The following TEX11 variants were observed in gnomAD, a reference collection of about 807,000 sequenced individuals.
The protein encoded by TEX11 is testis-expressed protein 11.
TEX11 carries 7 observed loss-of-function variants against 84.4 expected under a neutral mutation model. The ratio of observed to expected loss-of-function variants is 0.08; its 90% CI spans 0.05 to 0.16. TEX11 has a LOEUF of 0.16. TEX11 is among the 10% of genes least tolerant of loss of function. The pLI, the probability that TEX11 is intolerant of heterozygous loss-of-function variation, is 1.00. For missense variants in TEX11, 551 were observed against 660.5 expected (o/e 0.83, Z 1.82); for synonymous variants, 264 against 222.8 (o/e 1.18, Z -1.64).
chrX:70,753,124 C>A (rs1260795930), intron 9 of TEX11, among the ~76,000 whole-genome samples: 2 of 103,663 alleles, frequency 1.9e-5, no homozygotes, highest in Non-Finnish European at 3.9e-5. Context: ...TTAAAGGCAG[C>A]CTAGGCCACA....
chrX:70,576,348 A>G (rs762178906), intron 25 of TEX11, among the ~76,000 whole-genome samples: 10 of 112,179 alleles, frequency 8.9e-5, no homozygotes, highest in Non-Finnish European at 1.7e-4. Flanking sequence ...TTACTGACAT[A>G]CTGGGCTCAT....
intron 13 of TEX11, among the ~76,000 whole-genome samples, chrX:70,713,705 G>T (rs2090464750): frequency 9.0e-6 from 1 of 110,791 alleles, no homozygotes; most frequent in Non-Finnish European, 1.9e-5. Flanking sequence ...AGTCTTGCTA[G>T]CGGTCTATCA....
intron 15 of TEX11, among the ~76,000 whole-genome samples, chrX:70,674,264 T>C (rs1196311337): frequency 8.9e-6 from 1 of 112,487 alleles, no homozygotes; most frequent in East Asian, 2.8e-4. Flanking sequence ...TATTCTATGG[T>C]GTATATGTAC....
At chrX:70,782,607 T>G (rs73544747) in intron 9 of TEX11, among the ~76,000 whole-genome samples, 5,875 of 66,592 alleles carry the variant, frequency 0.088, 529 homozygotes, top group African/African-American at 0.27. Context: ...AAGCTCAAAA[T>G]TTAAAAATAG....
At chrX:70,672,351 C>A (rs2147639710) in intron 15 of TEX11, among the ~76,000 whole-genome samples, 1 of 111,429 alleles carries the variant, frequency 9.0e-6, no homozygotes, top group South Asian at 3.8e-4. Context: ...TAAATAATTC[C>A]TTTTCTCTTG....
intron 14 of TEX11, among the ~76,000 whole-genome samples, chrX:70,679,315 T>G (rs1207207492): frequency 5.4e-5 from 6 of 110,827 alleles, no homozygotes; most frequent in African/African-American, 2.0e-4. Flanking sequence ...GCCGCCTGCC[T>G]TGGCCTCCCA....
intron 24 of TEX11, among the ~76,000 whole-genome samples, chrX:70,599,689 T>G (rs1435773255): frequency 4.3e-5 from 3 of 69,552 alleles, no homozygotes; most frequent in African/African-American, 1.8e-4. Flanking sequence ...CCCACAACAG[T>G]CCCCAGAGTG....
chrX:70,905,144 G>A (rs751983930), intron 2 of TEX11, among the ~76,000 whole-genome samples: 91 of 111,476 alleles, frequency 8.2e-4, no homozygotes, highest in Non-Finnish European at 1.5e-3. Context: ...GCAACACAGC[G>A]AAACCCCATC....
At chrX:70,722,885 C>T (rs2090571340) in intron 12 of TEX11, among the ~76,000 whole-genome samples, 189 bp from the exon 13 acceptor site, 1 of 111,789 alleles carries the variant, frequency 8.9e-6, no homozygotes, top group South Asian at 3.7e-4. Context: ...ATGACACAAG[C>T]ACTCTTGCAC....
At chrX:70,888,084 G>A (rs775132440) in intron 2 of TEX11, among the ~76,000 whole-genome samples, 1 of 112,942 alleles carries the variant, frequency 8.9e-6, no homozygotes, top group Admixed American at 9.3e-5. Flanking sequence ...TATCTGGAAA[G>A]CCTTCCAAAG....
At chrX:70,712,473 T>C (rs1406436196) in intron 13 of TEX11, among the ~76,000 whole-genome samples, 1 of 111,420 alleles carries the variant, frequency 9.0e-6, no homozygotes, top group Non-Finnish European at 1.9e-5. Flanking sequence ...CATTGAGCAG[T>C]GGTTTGTAGT....
intron 9 of TEX11, among the ~76,000 whole-genome samples, chrX:70,793,110 T>C (rs772489063): frequency 1.3e-4 from 14 of 111,424 alleles, no homozygotes; most frequent in African/African-American, 4.2e-4. Flanking sequence ...TCATCTCTAA[T>C]AGTCACAGAA....
chrX:70,709,732 T>G (rs761948662), intron 13 of TEX11, among the ~76,000 whole-genome samples: 41 of 50,773 alleles, frequency 8.1e-4, no homozygotes, highest in African/African-American at 2.2e-3. Flanking sequence ...AAAACTATTA[T>G]ATTAATAAAC....
At chrX:70,532,642 G>A (rs5936907) in intron 28 of TEX11, among the ~76,000 whole-genome samples, 5,948 of 112,362 alleles carry the variant, frequency 0.053, 174 homozygotes, top group Middle Eastern at 0.12. Flanking sequence ...GCTGAGGCAG[G>A]AGAATCGCTT....
chrX:70,611,310 A>G (rs377581976), intron 20 of TEX11, among the ~76,000 whole-genome samples: 1 of 112,024 alleles, frequency 8.9e-6, no homozygotes. Context: ...CACTGCCACA[A>G]AAATTGGAGA....
intron 8 of TEX11, 97 bp from the exon 9 acceptor site, chrX:70,806,887 C>G (rs1192885905): frequency 1.9e-6 from 1 of 539,425 alleles, no homozygotes; most frequent in African/African-American, 2.4e-5. Flanking sequence ...GGTGCCACAT[C>G]ACTCCAGCCT....
intron 27 of TEX11, among the ~76,000 whole-genome samples, chrX:70,552,494 G>T (rs1266067625): frequency 9.0e-6 from 1 of 110,756 alleles, no homozygotes; most frequent in East Asian, 2.8e-4. Context: ...GCACGAAGGA[G>T]TTGTGGCTGT....
intron 9 of TEX11, among the ~76,000 whole-genome samples, chrX:70,788,961 T>TAGAGAGAG (rs2091098232): frequency 2.2e-5 from 1 of 44,551 alleles, no homozygotes; most frequent in Non-Finnish European, 3.8e-5. Context: ...TATATATATA[T>TAGAGAGAG]ATATATATAT....
intron 25 of TEX11, among the ~76,000 whole-genome samples, chrX:70,571,040 A>G (rs2088589659): frequency 9.0e-6 from 1 of 111,004 alleles, no homozygotes; most frequent in African/African-American, 3.3e-5. Context: ...TTGTTTTGAG[A>G]CAGAGTCTTT....
Sources: allele counts gnomAD v4.1 joint callset (sites outside exome capture counted in the v4.1 genomes callset), GRCh38; gene constraint gnomAD v4.1.1; transcripts MANE v1.5; gene names NCBI Gene and HGNC (gene_info 2026-07-23, HGNC 2026-07-21).